The following SLC44A3 variants were observed in gnomAD, a reference collection of about 807,000 sequenced individuals.
SLC44A3 encodes the protein choline transporter-like protein 3.
Under a neutral mutation model 75.4 loss-of-function variants are expected in SLC44A3, and 74 were observed. That is an observed-to-expected ratio of 0.98 (90% CI 0.81 to 1.19). SLC44A3 has a LOEUF of 1.19. Among genes scored for constraint, SLC44A3 ranks in the 50% most tolerant of loss-of-function variants. The probability of loss-of-function intolerance (pLI) is 0.00; values close to 1 mark genes in which losing one functional copy is unlikely to be tolerated. For synonymous variants in SLC44A3, 310 were observed against 296.9 expected (o/e 1.04, Z -0.45); for missense variants, 700 against 778.6 (o/e 0.90, Z 1.20).
chr1:94,827,334 T>C, intron 3 of SLC44A3, 173 bp from the exon 4 acceptor site: 1 of 747,736 alleles, frequency 1.3e-6, no homozygotes, highest in Non-Finnish European at 2.2e-6. Flanking sequence ...CTGCACAGCT[T>C]CATGGATGAC....
chr1:94,868,192 G>T (rs982208207), intron 12 of SLC44A3, among the ~76,000 whole-genome samples: 9 of 151,984 alleles, frequency 5.9e-5, no homozygotes, highest in African/African-American at 2.2e-4. Flanking sequence ...GATTTTAATA[G>T]TCCTTAGTCA....
chr1:94,859,867 TTGTGGAGAAACTGCCTA>T (rs533334950), intron 10 of SLC44A3, among the ~76,000 whole-genome samples: 157 of 152,310 alleles, frequency 1.0e-3, no homozygotes, highest in African/African-American at 3.6e-3. Context: ...GAGGATGCTT[TTGTGGAGAAACTGCCTA>T]ACCCAAAGTA....
chr1:94,820,854 T>A (rs1660466501), intron 1 of SLC44A3, 95 bp from the exon 2 acceptor site: 6 of 1,318,374 alleles, frequency 4.6e-6, no homozygotes, highest in Admixed American at 2.8e-5. Context: ...AAAAGATTGG[T>A]TACTTTGGCC....
At chr1:94,885,373 A>T (rs1019442130) in intron 12 of SLC44A3, among the ~76,000 whole-genome samples, 3 of 152,072 alleles carry the variant, frequency 2.0e-5, no homozygotes, top group Admixed American at 1.3e-4. Flanking sequence ...ATCATGGAAC[A>T]TTGGAGTTGG....
chr1:94,827,971 T>A (rs567640342), intron 4 of SLC44A3, among the ~76,000 whole-genome samples: 148 of 152,260 alleles, frequency 9.7e-4, no homozygotes, highest in African/African-American at 3.4e-3. Flanking sequence ...GAGAGCTCCA[T>A]GCACGTGGGC....
In SLC44A3 at chr1:94,867,350, G is replaced by T. The variant is rs181145758; in HGVS notation, c.1415G>T (p.Arg472Met). The change falls in exon 12 of 15, where the codon AGG (arginine) becomes ATG (methionine). Residue 472 changes from arginine (R) to methionine (M), a missense_variant. Arg to Met is a moderately conservative substitution (Grantham distance 91). Transcript: ENST00000271227. ...ATCCAGCAGCATGGTGCATTGTCCA[G>T]GTACCTGTTCCGATGCTGCTACTGC... ...LKEQQHGALS[R>M]YLFRCCYCCF... 204 of 1,598,920 alleles carry T rather than the reference G, an allele frequency of 1.3e-4. No individual in the cohort carries two copies. The East Asian group carries it at 4.3e-3, about 33-fold the overall frequency.
At chr1:94,870,352 G>T (rs1667620001) in intron 12 of SLC44A3, among the ~76,000 whole-genome samples, 1 of 152,220 alleles carries the variant, frequency 6.6e-6, no homozygotes, top group South Asian at 2.1e-4. Context: ...CCAAGAAATT[G>T]ACAAGCTAGT....
intron 10 of SLC44A3, among the ~76,000 whole-genome samples, chr1:94,861,563 A>G (rs1444172200): frequency 6.6e-6 from 1 of 152,246 alleles, no homozygotes; most frequent in African/African-American, 2.4e-5. Context: ...TATTTTTAGC[A>G]CAACTATTGC....
At chr1:94,855,209 C>T (rs1310975486) in intron 9 of SLC44A3, 2 of 152,136 alleles carry the variant, frequency 1.3e-5, no homozygotes, top group Non-Finnish European at 2.9e-5. Flanking sequence ...GAGTCTGGCC[C>T]CCATTAGCGT....
chr1:94,842,286 T>C (rs698967), intron 8 of SLC44A3, among the ~76,000 whole-genome samples, 162 bp downstream of exon 8: 82,276 of 152,060 alleles, frequency 0.54, 22,365 homozygotes, highest in East Asian at 0.69. Flanking sequence ...TCAAAACTCT[T>C]CAAAAATAAG....
chr1:94,847,029 A>G (rs957264350), intron 9 of SLC44A3, among the ~76,000 whole-genome samples: 7 of 152,236 alleles, frequency 4.6e-5, no homozygotes, highest in African/African-American at 1.2e-4. Flanking sequence ...GTCTTCTACT[A>G]GGGGCTCCCT....
intron 5 of SLC44A3, among the ~76,000 whole-genome samples, chr1:94,837,163 A>G (rs1250849694): frequency 6.6e-6 from 1 of 152,232 alleles, no homozygotes; most frequent in Non-Finnish European, 1.5e-5. Context: ...AATTGTGGTT[A>G]TCAGGGATGC....
chr1:94,871,607 T>C (rs1158087304), intron 12 of SLC44A3, among the ~76,000 whole-genome samples: 1 of 152,230 alleles, frequency 6.6e-6, no homozygotes, highest in Non-Finnish European at 1.5e-5. Flanking sequence ...CAGGCCTCTG[T>C]CCCAGCCATG....
Position 94,824,615 on chromosome 1 carries a change from G to T in SLC44A3, c.258G>T (p.Gly86=). The change falls in exon 3 of 15, where the codon GGG becomes GGT. Residue 86 remains glycine (G), a synonymous_variant. Transcript: ENST00000271227. Reference sequence around the variant, plus strand: ...CCGTGGAAGGGGCCCCTCTTTCAGGGCAGGACATGACCCTAAAAAAGTAAG... The same window carrying T: ...CCGTGGAAGGGGCCCCTCTTTCAGGTCAGGACATGACCCTAAAAAAGTAAG... ...NSPVEGAPLS[G]QDMTLKKHVF... The T allele has an allele frequency of 6.2e-7, 1 of 1,603,778 alleles. No individual in the cohort carries two copies. Among genetic ancestry groups the T allele is most frequent in the Non-Finnish European group, 8.5e-7 (1 of 1,176,680 alleles).
chr1:94,845,554 A>G, intron 9 of SLC44A3, 90 bp downstream of exon 9: 3 of 1,278,638 alleles, frequency 2.3e-6, no homozygotes, highest in Non-Finnish European at 3.2e-6. Context: ...TAGGCACCTA[A>G]CCCCTCATTG....
chr1:94,834,495 CT>C (rs1007793745), intron 5 of SLC44A3, among the ~76,000 whole-genome samples: 1 of 150,664 alleles, frequency 6.6e-6, no homozygotes, highest in African/African-American at 2.4e-5. Context: ...TCCTTTTTTT[CT>C]TTTTTTTTGA....
intron 3 of SLC44A3, 105 bp downstream of exon 3, chr1:94,824,740 A>G: frequency 2.2e-6 from 3 of 1,375,648 alleles, no homozygotes; most frequent in African/African-American, 1.5e-5. Context: ...AAACTCTGTC[A>G]GCCTATTTTA....
chr1:94,844,353 C>T (rs979347677), intron 8 of SLC44A3, among the ~76,000 whole-genome samples: 4 of 152,132 alleles, frequency 2.6e-5, no homozygotes, highest in Admixed American at 6.5e-5. Context: ...AACTGATGTG[C>T]TTATTCTTCC....
At chr1:94,849,353 C>G (rs559909741) in intron 9 of SLC44A3, among the ~76,000 whole-genome samples, 5 of 152,132 alleles carry the variant, frequency 3.3e-5, no homozygotes, top group East Asian at 1.9e-4. Context: ...CACCACCCCC[C>G]TTCCCCACCC....
Sources: gnomAD v4.1 joint callset for allele counts (sites outside exome capture counted in the v4.1 genomes callset) on GRCh38, gnomAD v4.1.1 for gene constraint, MANE v1.5 for transcripts, NCBI Gene and HGNC (gene_info 2026-07-23, HGNC 2026-07-21) for gene names.